SLC13A1: variants seen among roughly 807,000 people sequenced by gnomAD.
SLC13A1 encodes Na(+)/sulfate cotransporter.
A neutral mutation model predicts 70.0 loss-of-function variants in SLC13A1; 65 were observed. That is an observed-to-expected ratio of 0.93 (90% CI 0.76 to 1.14). The LOEUF (loss-of-function observed/expected upper bound fraction) is 1.14, where lower values mean the gene tolerates loss of function less well. Ranked by LOEUF, SLC13A1 falls within the 50% of genes most tolerant of loss-of-function variation. SLC13A1 has a pLI of 0.00. For missense variants in SLC13A1, 726 were observed against 717.8 expected (o/e 1.01, Z -0.13); for synonymous variants, 275 against 250.5 (o/e 1.10, Z -0.92).
rs945000460 is a variant in SLC13A1, at chr7:123,187,632, C to T, written c.100-6531G>A. ...ATTATACTACATGCAGACATTAATA[C>T]ATTAATAACAAGTGGTTTTAAAATT... is the stretch of plus-strand genomic sequence containing the variant. On this transcript the variant is annotated intron_variant, in intron 1 of 14. Transcript: ENST00000194130. Among the ~76,000 whole-genome samples, 3 of 152,256 alleles carry T rather than the reference C, an allele frequency of 2.0e-5. No individual in the cohort carries two copies. The East Asian group carries it at 5.8e-4, about 29-fold the overall frequency.
intron 6 of SLC13A1, among the ~76,000 whole-genome samples, chr7:123,160,269 T>G (rs1313876934): frequency 1.8e-5 from 2 of 113,586 alleles, no homozygotes; most frequent in African/African-American, 7.1e-5. Context: ...AGACTCAGTC[T>G]CAAAAAAAAA....
intron 7 of SLC13A1, among the ~76,000 whole-genome samples, chr7:123,135,631 T>C (rs1286674226): frequency 6.6e-6 from 1 of 152,186 alleles, no homozygotes; most frequent in Non-Finnish European, 1.5e-5. Context: ...TATTTCATGT[T>C]ATATCTATGT....
At chr7:123,182,076 C>T (rs549173556) in intron 1 of SLC13A1, among the ~76,000 whole-genome samples, 47 of 152,188 alleles carry the variant, frequency 3.1e-4, no homozygotes, top group Admixed American at 2.7e-3. Context: ...TTAGGCAGTA[C>T]CTTTATTGTG....
intron 1 of SLC13A1, among the ~76,000 whole-genome samples, chr7:123,188,048 T>C (rs1209812209): frequency 6.6e-6 from 1 of 152,144 alleles, no homozygotes; most frequent in African/African-American, 2.4e-5. Context: ...CCAAATCTCA[T>C]CTTGAATTGT....
chr7:123,170,940 T>G (rs1030770589), intron 3 of SLC13A1, among the ~76,000 whole-genome samples: 1 of 148,818 alleles, frequency 6.7e-6, no homozygotes, highest in African/African-American at 2.4e-5. Context: ...AATTGAAAAT[T>G]TGTCTCGTCT....
In SLC13A1 at chr7:123,171,913, A is replaced by G; in HGVS notation, c.229-9T>C. 5.0e-6 allele frequency: 8 copies of G among 1,611,110 alleles called. No individual in the cohort carries two copies. The highest frequency in any genetic ancestry group is 6.8e-6 in the Non-Finnish European group (8 of 1,178,534). Reference sequence around the variant, plus strand: ...AAATAAGCAGATGCCACCTGAAATAACAATTAAACCCGTGATTATTTACTT... The same window carrying G: ...AAATAAGCAGATGCCACCTGAAATAGCAATTAAACCCGTGATTATTTACTT... On this transcript the variant is annotated splice_polypyrimidine_tract_variant and intron_variant, in intron 2 of 14. Coordinates refer to ENST00000194130, the MANE Select transcript of SLC13A1 (RefSeq NM_022444.4).
At chr7:123,178,033 C>CTCTCTATATATATA (rs761704605) in intron 2 of SLC13A1, among the ~76,000 whole-genome samples, 1 of 149,958 alleles carries the variant, frequency 6.7e-6, no homozygotes, top group African/African-American at 2.5e-5. Context: ...CTCTCTCTCT[C>CTCTCTATATATATA]TATATATATA....
At chr7:123,160,338 A>G (rs1462634754) in intron 6 of SLC13A1, among the ~76,000 whole-genome samples, 2 of 152,032 alleles carry the variant, frequency 1.3e-5, no homozygotes, top group African/African-American at 4.8e-5. Context: ...GACCAAAAAA[A>G]TTAAGATAGA....
rs369012858 is a variant in SLC13A1, at chr7:123,170,313, C to T, written c.366-978G>A. 1.8e-4 allele frequency among the ~76,000 whole-genome samples: 28 copies of T among 152,238 alleles called. 1 individual carries two copies. The highest frequency in any genetic ancestry group is 2.6e-4 in the African/African-American group (11 of 41,548). ...AGAAAATATATTAGGAATCTGCTTA[C>T]GCAATAAATGGTTCTTCTAAAAAAA... On this transcript the variant is annotated intron_variant, in intron 3 of 14. Coordinates refer to ENST00000194130, the MANE Select transcript of SLC13A1 (RefSeq NM_022444.4).
At chr7:123,117,381 T>G (rs1793213500) in intron 14 of SLC13A1, 90 bp downstream of exon 14, 7 of 1,277,106 alleles carry the variant, frequency 5.5e-6, no homozygotes, top group African/African-American at 2.9e-5. Context: ...TCCTGGTGGT[T>G]GATTGGTGTA....
chr7:123,151,287 G>A (rs1240247268), intron 6 of SLC13A1, among the ~76,000 whole-genome samples: 3 of 151,648 alleles, frequency 2.0e-5, no homozygotes, highest in South Asian at 2.1e-4. Flanking sequence ...TTGCATCACT[G>A]CACTCCACAC....
intron 6 of SLC13A1, among the ~76,000 whole-genome samples, chr7:123,160,179 G>A (rs778964692): frequency 2.9e-4 from 44 of 151,326 alleles, no homozygotes; most frequent in Non-Finnish European, 4.7e-4. Flanking sequence ...GCTGAGGCAG[G>A]AGAATCGCTT....
intron 6 of SLC13A1, among the ~76,000 whole-genome samples, chr7:123,158,850 G>C (rs1794795619): frequency 6.6e-6 from 1 of 151,962 alleles, no homozygotes; most frequent in African/African-American, 2.4e-5. Context: ...ATAAAAACAT[G>C]TTTCAAGAAT....
intron 7 of SLC13A1, among the ~76,000 whole-genome samples, chr7:123,142,127 T>TGTGGC (rs1200181781): frequency 6.6e-6 from 1 of 152,180 alleles, no homozygotes; most frequent in Non-Finnish European, 1.5e-5. Flanking sequence ...TCTAATGTAC[T>TGTGGC]GTGGCTCAGC....
chr7:123,186,066 C>T (rs1323007940), intron 1 of SLC13A1, among the ~76,000 whole-genome samples: 2 of 151,924 alleles, frequency 1.3e-5, no homozygotes, highest in South Asian at 2.1e-4. Context: ...AGTCCTTAGG[C>T]ATTAAATAGC....
chr7:123,119,558 A>G lies in SLC13A1; in HGVS notation c.1351-316T>C, dbSNP rs551805583. The stretch of plus-strand genomic sequence containing the variant: ...ATCATATAGAGGGCTTTAAGAGAAG[A>G]GCAACCCTTCTGATTCACCTCTCTC... On this transcript the variant is annotated intron_variant, in intron 12 of 14. Coordinates refer to ENST00000194130, the MANE Select transcript of SLC13A1 (RefSeq NM_022444.4). Among the ~76,000 whole-genome samples, 567 of 152,088 alleles carry G rather than the reference A, an allele frequency of 3.7e-3. 4 individuals carry two copies. Among genetic ancestry groups the G allele is most frequent in the African/African-American group, 0.013 (536 of 41,538 alleles).
At chr7:123,143,088 T>C (rs1320610340) in intron 7 of SLC13A1, among the ~76,000 whole-genome samples, 6 of 152,126 alleles carry the variant, frequency 3.9e-5, no homozygotes, top group African/African-American at 1.2e-4. Context: ...GTATCCAAGA[T>C]GCAAGACAAA....
chr7:123,180,972 C>T lies in SLC13A1; in HGVS notation c.228+1G>A, dbSNP rs200981740. On this transcript the variant is annotated splice_donor_variant, in intron 2 of 14. Transcript: ENST00000194130. LOFTEE classifies it high-confidence loss of function. ...CTTATGACATTGGCAAGAGGACTTA[C>T]CTTCTTAGAAGGCATGATCCCAAAC... The T allele has an allele frequency of 1.2e-6, 2 of 1,608,792 alleles. No individual in the cohort carries two copies. Among genetic ancestry groups the T allele is most frequent in the Non-Finnish European group, 1.7e-6 (2 of 1,177,288 alleles).
chr7:123,148,451 T>G (rs1392397127), intron 6 of SLC13A1: 1 of 451,700 alleles, frequency 2.2e-6, no homozygotes, highest in Admixed American at 2.4e-5. Context: ...GGGGAATCAC[T>G]AGTCCAAATG....
Sources: allele counts gnomAD v4.1 joint callset (sites outside exome capture counted in the v4.1 genomes callset), GRCh38; gene constraint gnomAD v4.1.1; transcripts MANE v1.5; gene names NCBI Gene and HGNC (gene_info 2026-07-23, HGNC 2026-07-21).